The following DNM2 variants were observed in gnomAD, a reference collection of about 807,000 sequenced individuals.
DNM2 encodes dynamin 2.
DNM2 carries 15 observed loss-of-function variants against 99.0 expected under a neutral mutation model. The ratio of observed to expected loss-of-function variants is 0.15; its 90% CI spans 0.10 to 0.23. The LOEUF is 0.23. Among genes scored for constraint, DNM2 ranks in the 10% least tolerant of loss-of-function variants. DNM2 has a pLI of 1.00. For synonymous variants in DNM2, 525 were observed against 481.2 expected (o/e 1.09, Z -1.19); for missense variants, 742 against 1,189.4 (o/e 0.62, Z 5.53).
chr19:10,754,884 T>G (rs2070329917), intron 1 of DNM2, among the ~76,000 whole-genome samples: 1 of 152,308 alleles, frequency 6.6e-6, no homozygotes, highest in East Asian at 1.9e-4. Flanking sequence ...GAGCCACTGC[T>G]GCAAGTTTTG....
chr19:10,797,679 G>C (rs1402856033), intron 10 of DNM2, among the ~76,000 whole-genome samples, 161 bp downstream of exon 10: 2 of 152,182 alleles, frequency 1.3e-5, no homozygotes, highest in Non-Finnish European at 2.9e-5. Context: ...AGATGGAATG[G>C]GGGGAGTGGC....
At chr19:10,748,056 G>T (rs936769833) in intron 1 of DNM2, among the ~76,000 whole-genome samples, 1 of 152,298 alleles carries the variant, frequency 6.6e-6, no homozygotes, top group Admixed American at 6.5e-5. Flanking sequence ...GTAGGGGGAG[G>T]TGAGGACAGG....
At chr19:10,719,629 G>T (rs1262047127) in intron 1 of DNM2, among the ~76,000 whole-genome samples, 1 of 152,114 alleles carries the variant, frequency 6.6e-6, no homozygotes, top group Non-Finnish European at 1.5e-5. Context: ...CCAGATGGGC[G>T]GCCACTTCTC....
chr19:10,778,341 G>A (rs1256251039), intron 5 of DNM2, among the ~76,000 whole-genome samples: 1 of 151,916 alleles, frequency 6.6e-6, no homozygotes, highest in Non-Finnish European at 1.5e-5. Context: ...CCATCTTCCT[G>A]GAAGATTTTA....
chr19:10,770,913 C>T (rs2070954271), intron 2 of DNM2, among the ~76,000 whole-genome samples: 3 of 152,190 alleles, frequency 2.0e-5, no homozygotes, highest in Admixed American at 2.0e-4. Context: ...CCATATCAGC[C>T]TCCCAAGTAG....
intron 1 of DNM2, among the ~76,000 whole-genome samples, chr19:10,756,725 G>T (rs147728112): frequency 8.4e-4 from 128 of 152,024 alleles, no homozygotes; most frequent in African/African-American, 3.0e-3. Context: ...TCTGTAGGGC[G>T]CTCCCCTCTG....
At position 10,772,018 on chromosome 19, in the gene DNM2, A is replaced by G. The variant is rs995617954; in HGVS notation, c.236-461A>G. On this transcript the variant is annotated intron_variant, in intron 2 of 20. Transcript: ENST00000389253. This position sits in a 1 kb window ranked among gnomAD's most constrained non-coding sequence, Gnocchi z 4.9. ...ATGAGAACGAATCTTTCACTCCCAAATTCCTAGAGTGACGATGATTGGGTC... is the reference window on the plus strand; with the variant it reads ...ATGAGAACGAATCTTTCACTCCCAAGTTCCTAGAGTGACGATGATTGGGTC... Among the ~76,000 whole-genome samples the G allele has an allele frequency of 6.6e-6, 1 of 151,614 alleles. No homozygotes were observed. The highest frequency in any genetic ancestry group is 2.4e-5 in the African/African-American group (1 of 41,272).
In DNM2 at chr19:10,772,759, C is replaced by T. The variant is rs2071022775; in HGVS notation, c.385+131C>T. 2.9e-6 allele frequency: 4 copies of T among 1,362,736 alleles called. No individual in the cohort carries two copies. Among genetic ancestry groups the T allele is most frequent in the African/African-American group, 2.9e-5 (2 of 69,528 alleles). 84.4% of individuals were successfully genotyped at this position (1,362,736 alleles called of 1,614,324 possible). ...CACAAACAGTTGATATTCACACACA[C>T]ATAGCCCCTTGATCTGTATCTTCCC... On this transcript the variant is annotated intron_variant, in intron 3 of 20. Transcript: ENST00000389253. This position sits in a 1 kb window ranked among gnomAD's most constrained non-coding sequence, Gnocchi z 4.9.
intron 5 of DNM2, among the ~76,000 whole-genome samples, chr19:10,779,777 C>T (rs759572621): frequency 2.0e-5 from 3 of 152,008 alleles, no homozygotes; most frequent in Non-Finnish European, 2.9e-5. Flanking sequence ...CCTCTGCCTC[C>T]TGAGTAGCTG....
intron 19 of DNM2, among the ~76,000 whole-genome samples, chr19:10,829,628 G>A (rs779536405): frequency 6.6e-6 from 1 of 152,188 alleles, no homozygotes; most frequent in African/African-American, 2.4e-5. Flanking sequence ...AGGCTCTGGA[G>A]GGGCAAACGC....
intron 8 of DNM2, among the ~76,000 whole-genome samples, chr19:10,794,724 G>A (rs1045971405): frequency 5.3e-5 from 8 of 151,010 alleles, no homozygotes; most frequent in Non-Finnish European, 1.5e-5. Context: ...CAGCCTCAGT[G>A]ACAGAGCCAG....
chr19:10,776,696 C>T (rs1183439741), intron 4 of DNM2, among the ~76,000 whole-genome samples: 1 of 152,188 alleles, frequency 6.6e-6, no homozygotes, highest in Non-Finnish European at 1.5e-5. Flanking sequence ...GAATTTTAGC[C>T]ATTCAGGCAA....
At chr19:10,822,489 A>C (rs551552731) in intron 16 of DNM2, among the ~76,000 whole-genome samples, 31 of 150,222 alleles carry the variant, frequency 2.1e-4, no homozygotes, top group African/African-American at 7.6e-4. Context: ...CCATGCCTAA[A>C]CTTTACAAAA....
intron 5 of DNM2, among the ~76,000 whole-genome samples, chr19:10,777,942 A>C (rs2071208913): frequency 6.6e-6 from 1 of 151,950 alleles, no homozygotes; most frequent in Admixed American, 6.6e-5. Flanking sequence ...AAAAAGTTCA[A>C]AGAATCCTCG....
At chr19:10,729,670 G>A (rs1444581292) in intron 1 of DNM2, among the ~76,000 whole-genome samples, 1 of 152,144 alleles carries the variant, frequency 6.6e-6, no homozygotes, top group Non-Finnish European at 1.5e-5. Context: ...CAAGTAGAGC[G>A]TGGAGACAGT....
At chr19:10,750,887 C>T (rs907185686) in intron 1 of DNM2, among the ~76,000 whole-genome samples, 1 of 150,436 alleles carries the variant, frequency 6.6e-6, no homozygotes, top group African/African-American at 2.5e-5. Context: ...GGTGACAAAG[C>T]AAGACTCCAT....
rs768626511 is a variant in DNM2 at position 10,830,948 on chromosome 19, C to A, written c.2544-30C>A. 361 of 1,601,014 alleles carry A rather than the reference C, an allele frequency of 2.3e-4. 1 individual carries two copies. The highest frequency in any genetic ancestry group is 2.2e-5 in the Non-Finnish European group (26 of 1,173,746). ...GCTCCCGGCCTCACTGCCGTCTCCC[C>A]CTCCCCACCTGTCTTTATTCTCTTT... is the stretch of plus-strand genomic sequence containing the variant. On this transcript the variant is annotated intron_variant, in intron 20 of 20. Coordinates refer to ENST00000389253, the MANE Select transcript of DNM2 (RefSeq NM_001005361.3). This position sits in a 1 kb window ranked among gnomAD's most constrained non-coding sequence, Gnocchi z 4.8.
intron 1 of DNM2, among the ~76,000 whole-genome samples, chr19:10,739,618 C>T (rs2069665106): frequency 6.6e-6 from 1 of 152,174 alleles, no homozygotes; most frequent in Non-Finnish European, 1.5e-5. Context: ...ATTTGGGAGG[C>T]TGAGGCGGGC....
chr19:10,756,905 C>T (rs1401235818), intron 1 of DNM2, among the ~76,000 whole-genome samples: 1 of 152,148 alleles, frequency 6.6e-6, no homozygotes, highest in Non-Finnish European at 1.5e-5. Flanking sequence ...TGAACCACAG[C>T]GGTCACCCCC....
Sources: gnomAD v4.1 joint callset for allele counts (sites outside exome capture counted in the v4.1 genomes callset) on GRCh38, gnomAD v4.1.1 for gene constraint, Gnocchi (gnomAD v3.1) non-coding constraint, MANE v1.5 for transcripts, NCBI Gene and HGNC (gene_info 2026-07-23, HGNC 2026-07-21) for gene names.